Variants in TTC28 observed in about 807,000 individuals in gnomAD.
TTC28 encodes tetratricopeptide repeat protein 28.
Under a neutral mutation model 198.0 loss-of-function variants are expected in TTC28, and 61 were observed. The ratio of observed to expected loss-of-function variants is 0.31; its 90% confidence interval spans 0.25 to 0.38. The LOEUF is 0.38. Ranked by LOEUF, TTC28 falls within the 10% of genes least tolerant of loss-of-function variation. TTC28 has a pLI of 1.00. For synonymous variants in TTC28, 1,171 were observed against 1,297.8 expected, an observed-to-expected ratio of 0.90 and a Z score of 2.10; for missense variants, 2,678 against 3,164.0, an observed-to-expected ratio of 0.85 and a Z score of 3.69.
At chr22:28,269,676 AGT>A (rs1569231380) in intron 5 of TTC28, among the ~76,000 whole-genome samples, 1 of 152,224 alleles carries the variant, frequency 6.6e-6, no homozygotes, top group Non-Finnish European at 1.5e-5. Context: ...GGAAAATTAG[AGT>A]AGTTTGCAAG....
At chr22:28,405,912 G>C (rs763883428) in intron 2 of TTC28, among the ~76,000 whole-genome samples, 23 of 152,238 alleles carry the variant, frequency 1.5e-4, no homozygotes, top group Non-Finnish European at 2.8e-4. Flanking sequence ...CTGTTCCTGA[G>C]CTACTGCTTT....
At chr22:28,152,155 G>C (rs1218448977) in intron 6 of TTC28, among the ~76,000 whole-genome samples, 1 of 152,218 alleles carries the variant, frequency 6.6e-6, no homozygotes, top group Non-Finnish European at 1.5e-5. Context: ...TGTTTGCAAA[G>C]TGCCTAGCTC....
In TTC28 at chr22:27,983,132, G is replaced by A. The variant is rs143432636; in HGVS notation, c.6535C>T (p.Arg2179Cys). Residue 2179 changes from arginine (R) to cysteine (C), a missense_variant, in exon 23 of 23, where the codon CGT becomes TGT. By Grantham distance (180) the Arg-to-Cys change is radical (BLOSUM62 -3). This residue lies in a region of TTC28 where 622 missense variants were observed against 656.0 expected (regional missense o/e 0.95). Transcript: ENST00000397906. Reference sequence around the variant, plus strand: ...ACCTGGCCGCCGCTCCTCTGAAGACGCTCCACCGCAATGAGATGACTCTGT... The same window carrying A: ...ACCTGGCCGCCGCTCCTCTGAAGACACTCCACCGCAATGAGATGACTCTGT... ...ETQSHLIAVE[R>C]LQRSGGQVSK... 3,525 of 1,551,802 alleles carry A rather than the reference G, an allele frequency of 2.3e-3. 4 individuals are homozygous for A. The highest frequency in any genetic ancestry group is 2.7e-3 in the Non-Finnish European group (3,102 of 1,147,036).
Position 28,171,087 on chromosome 22 carries a change from G to A in TTC28, c.934-7488C>T, listed in dbSNP as rs193214499. Among the ~76,000 whole-genome samples the A allele has an allele frequency of 4.4e-3, 668 of 151,506 alleles. 1 individual carries two copies. The highest frequency in any genetic ancestry group is 7.1e-3 in the Non-Finnish European group (484 of 67,914). ...CTATGCTGGTGTACTGAACCACAAA[G>A]GGACAACAAAAATACAGGAGATGTT... On this transcript the variant is annotated intron_variant, in intron 5 of 22. Transcript: ENST00000397906.
chr22:28,037,276 C>T (rs1402213902), intron 12 of TTC28, among the ~76,000 whole-genome samples: 2 of 152,184 alleles, frequency 1.3e-5, no homozygotes, highest in African/African-American at 4.8e-5. Flanking sequence ...CAATAAAATA[C>T]TGGCAAACCG....
intron 2 of TTC28, among the ~76,000 whole-genome samples, chr22:28,352,718 G>T (rs1372653362): frequency 1.3e-5 from 2 of 152,080 alleles, no homozygotes; most frequent in Non-Finnish European, 2.9e-5. Flanking sequence ...AGTTACCAAG[G>T]TCTGCCCATG....
intron 5 of TTC28, among the ~76,000 whole-genome samples, chr22:28,278,382 A>T (rs16986249): frequency 0.016 from 2,362 of 152,298 alleles, 81 homozygotes; most frequent in African/African-American, 0.055. Context: ...TCCAGTTAAT[A>T]TTCTATAAAT....
At chr22:27,996,609 G>C (rs1245775180) in intron 16 of TTC28, among the ~76,000 whole-genome samples, 1 of 152,174 alleles carries the variant, frequency 6.6e-6, no homozygotes, top group African/African-American at 2.4e-5. Context: ...TCAGGGGAGG[G>C]GAGGTGTGCT....
rs183359373 is a variant in TTC28 at position 28,357,777 on chromosome 22, A to G, written c.382-51134T>C. Among the ~76,000 whole-genome samples the G allele has an allele frequency of 2.9e-4, 44 of 152,256 alleles. 1 individual carries two copies. The highest frequency in any genetic ancestry group is 2.7e-3 in the Admixed American group (42 of 15,292). Reference sequence around the variant, plus strand: ...TTCCCCAGTGTTCCCCATCCAATACACACCTTGACCCACCAATGTGGACCC... The same window carrying G: ...TTCCCCAGTGTTCCCCATCCAATACGCACCTTGACCCACCAATGTGGACCC... On this transcript the variant is annotated intron_variant, in intron 2 of 22. Transcript: ENST00000397906.
intron 10 of TTC28, among the ~76,000 whole-genome samples, chr22:28,097,117 A>G (rs944999730): frequency 6.6e-6 from 1 of 152,072 alleles, no homozygotes; most frequent in African/African-American, 2.4e-5. Context: ...CAGCCCCTCT[A>G]TGCATAACAT....
chr22:28,109,121 A>T (rs951415515), intron 6 of TTC28, among the ~76,000 whole-genome samples: 2 of 152,216 alleles, frequency 1.3e-5, no homozygotes, highest in African/African-American at 4.8e-5. Context: ...AATCTGACAA[A>T]CACAAAAGAT....
chr22:28,346,411 T>C (rs962022334), intron 2 of TTC28, among the ~76,000 whole-genome samples: 3 of 152,202 alleles, frequency 2.0e-5, no homozygotes, highest in Admixed American at 1.3e-4. Flanking sequence ...CTTTGAAACA[T>C]TGAGGCTACT....
intron 1 of TTC28, among the ~76,000 whole-genome samples, chr22:28,654,003 TTCC>T (rs2051604868): frequency 6.6e-6 from 1 of 152,240 alleles, no homozygotes; most frequent in Non-Finnish European, 1.5e-5. Flanking sequence ...TGTGCTGAAC[TTCC>T]GTTCTTACAA....
chr22:28,010,712 G>C (rs1938120176), intron 14 of TTC28, among the ~76,000 whole-genome samples: 1 of 152,166 alleles, frequency 6.6e-6, no homozygotes, highest in South Asian at 2.1e-4. Context: ...GGGCTCACTA[G>C]ATTCAAAGCT....
intron 12 of TTC28, among the ~76,000 whole-genome samples, chr22:28,032,240 ATATATATAAAATATATATATATATATAGT>A (rs1569094940): frequency 1.6e-3 from 180 of 112,464 alleles, no homozygotes; most frequent in African/African-American, 6.1e-3. Context: ...TATAAAATAT[ATATATATAAAATATATATATATATATAGT>A]GTGTGTGTGT....
At chr22:28,211,091 T>C (rs939906712) in intron 5 of TTC28, among the ~76,000 whole-genome samples, 1 of 152,156 alleles carries the variant, frequency 6.6e-6, no homozygotes, top group Non-Finnish European at 1.5e-5. Flanking sequence ...CTGAGAGATT[T>C]TGTCACCACC....
chr22:28,374,477 A>G (rs2046380467), intron 2 of TTC28, among the ~76,000 whole-genome samples: 1 of 152,184 alleles, frequency 6.6e-6, no homozygotes, highest in African/African-American at 2.4e-5. Flanking sequence ...AGACACAAAT[A>G]AAATAGTTCT....
At chr22:28,239,627 T>A (rs185212316) in intron 5 of TTC28, among the ~76,000 whole-genome samples, 1 of 152,182 alleles carries the variant, frequency 6.6e-6, no homozygotes, top group Non-Finnish European at 1.5e-5. Context: ...GCATGAAGCC[T>A]ATGGAGAACA....
intron 5 of TTC28, among the ~76,000 whole-genome samples, chr22:28,201,751 C>CAAAAAAAAAAAAAAA (rs34790960): frequency 3.1e-4 from 25 of 81,004 alleles, no homozygotes; most frequent in African/African-American, 1.3e-3. Context: ...TTACAGAAAG[C>CAAAAAAAAAAAAAAA]AAAAAAAAAA....
Sources: gnomAD v4.1 joint callset for allele counts (sites outside exome capture counted in the v4.1 genomes callset) on GRCh38, gnomAD v4.1.1 for gene constraint, gnomAD v4.1.1 regional missense constraint, MANE v1.5 for transcripts, NCBI Gene and HGNC (gene_info 2026-07-23, HGNC 2026-07-21) for gene names.